Variants in NDUFA9 observed in about 807,000 individuals in gnomAD.
The protein encoded by NDUFA9 is NADH:ubiquinone oxidoreductase subunit A9.
A neutral mutation model predicts 45.9 loss-of-function variants in NDUFA9; 23 were observed. That is an observed-to-expected ratio of 0.50 (90% CI 0.36 to 0.71). The LOEUF (loss-of-function observed/expected upper bound fraction) is 0.71, where lower values mean the gene tolerates loss of function less well. Among genes scored for constraint, NDUFA9 ranks in the 30% least tolerant of loss-of-function variants. NDUFA9 has a pLI of 0.00. For synonymous variants in NDUFA9, 176 were observed against 170.5 expected (o/e 1.03, Z -0.25); for missense variants, 466 against 488.2 (o/e 0.95, Z 0.43).
chr12:4,685,391 C>A, intron 10 of NDUFA9, 66 bp downstream of exon 10: 1 of 1,445,060 alleles, frequency 6.9e-7, no homozygotes, highest in Non-Finnish European at 9.6e-7. Flanking sequence ...TTTTGCTTTG[C>A]CTGCTTGCTT....
At chr12:4,674,904 G>A (rs923570480) in intron 8 of NDUFA9, among the ~76,000 whole-genome samples, 1 of 152,118 alleles carries the variant, frequency 6.6e-6, no homozygotes, top group East Asian at 1.9e-4. Context: ...TTCTAAAATT[G>A]ACCACATAAT....
At chr12:4,651,385 T>C (rs1945759065) in intron 1 of NDUFA9, among the ~76,000 whole-genome samples, 1 of 152,200 alleles carries the variant, frequency 6.6e-6, no homozygotes, top group African/African-American at 2.4e-5. Flanking sequence ...CAAGGCACTG[T>C]GACAGATGCT....
chr12:4,652,069 G>T (rs1945762614), intron 1 of NDUFA9, among the ~76,000 whole-genome samples: 1 of 152,118 alleles, frequency 6.6e-6, no homozygotes, highest in Non-Finnish European at 1.5e-5. Flanking sequence ...GCTTTACAGA[G>T]AAATCAAAGG....
intron 8 of NDUFA9, among the ~76,000 whole-genome samples, chr12:4,678,113 A>G (rs898892603): frequency 1.3e-5 from 2 of 152,124 alleles, no homozygotes; most frequent in Non-Finnish European, 2.9e-5. Context: ...GGAGGTGAAC[A>G]TCACACACTG....
At position 4,662,600 on chromosome 12, in the gene NDUFA9, T is replaced by C; in HGVS notation, c.620T>C (p.Phe207Ser). Residue 207 changes from phenylalanine to serine, a missense_variant, in exon 6 of 11, where the codon TTT (phenylalanine) becomes TCT (serine). Coordinates refer to ENST00000266544, the MANE Select transcript of NDUFA9 (RefSeq NM_005002.5). ...EAIIVKPSDI[F>S]GREDRFLNSF... ...ATTATCGTAAAGCCGTCGGACATCT[T>C]TGGAAGAGAGGATAGATTCCTTAAT... 6.2e-7 allele frequency: 1 copy of C among 1,613,924 alleles called. No homozygotes were observed. Among genetic ancestry groups the C allele is most frequent in the Non-Finnish European group, 8.5e-7 (1 of 1,179,828 alleles).
intron 1 of NDUFA9, among the ~76,000 whole-genome samples, chr12:4,650,990 G>A (rs1438727712): frequency 1.3e-5 from 2 of 152,100 alleles, no homozygotes; most frequent in African/African-American, 2.4e-5. Flanking sequence ...ATAAGTTGTG[G>A]AAATATAAAT....
Position 4,662,434 on chromosome 12 carries a change from T to C in NDUFA9, c.553-99T>C, listed in dbSNP as rs866347845. On this transcript the variant is annotated intron_variant, in intron 5 of 10. Coordinates refer to ENST00000266544, the MANE Select transcript of NDUFA9 (RefSeq NM_005002.5). ...GATTACCTTTATCTGGAGGAAAATA[T>C]CGCCTTTGAAATACAAGTCATGTCT... The C allele has an allele frequency of 1.4e-5, 12 of 864,772 alleles. No individual in the cohort carries two copies. The East Asian group carries it at 1.7e-4, about 13-fold the overall frequency. 53.6% of individuals were successfully genotyped at this position (864,772 alleles called of 1,614,324 possible). A position where few individuals can be genotyped will look rare whatever the true frequency, so the allele number is the denominator to read the frequency against.
intron 9 of NDUFA9, among the ~76,000 whole-genome samples, chr12:4,683,504 T>C (rs1283406290): frequency 6.6e-6 from 1 of 152,116 alleles, no homozygotes; most frequent in Admixed American, 6.6e-5. Flanking sequence ...CAACAAAAAC[T>C]CAAAAATCTT....
Position 4,687,038 on chromosome 12 carries a change from G to A in NDUFA9, c.1064G>A (p.Arg355His), listed in dbSNP as rs3210081. The A allele has an allele frequency of 1.4e-5, 22 of 1,614,170 alleles. No homozygotes were observed. The highest frequency in any genetic ancestry group is 1.7e-4 in the Middle Eastern group (1 of 6,060). ...CTCAAGGCCATTGAGGTGCTGCGGC[G>A]TCATCGCACTTACCGCTGGCTGTCT... Reference protein sequence around the residue: ...LELKAIEVLRRHRTYRWLSAE... With the variant: ...LELKAIEVLRHHRTYRWLSAE... The change falls in exon 11 of 11, where the codon CGT becomes CAT. Residue 355 changes from arginine to histidine, a missense_variant. Physicochemically the swap from Arg to His is conservative, Grantham distance 29 (BLOSUM62 0). Transcript: ENST00000266544.
At chr12:4,662,488 C>T (rs1945828540) in intron 5 of NDUFA9, 45 bp from the exon 6 acceptor site, 8 of 1,428,668 alleles carry the variant, frequency 5.6e-6, no homozygotes, top group Non-Finnish European at 7.9e-6. Flanking sequence ...ATGCTTTATT[C>T]ACTTGTCTCT....
intron 8 of NDUFA9, among the ~76,000 whole-genome samples, chr12:4,679,720 TGGA>T (rs1295303425): frequency 2.0e-5 from 3 of 152,156 alleles, no homozygotes; most frequent in Non-Finnish European, 4.4e-5. Context: ...GGTAACTATT[TGGA>T]GAAGTTTCCC....
intron 6 of NDUFA9, among the ~76,000 whole-genome samples, chr12:4,664,712 C>G (rs903310555): frequency 6.6e-6 from 1 of 152,194 alleles, no homozygotes; most frequent in Non-Finnish European, 1.5e-5. Flanking sequence ...ACTACCGCTT[C>G]AGTGGGTCCT....
At position 4,689,929 on chromosome 12, in the gene NDUFA9, C is replaced by T. The variant is rs181874934; in HGVS notation, c.*2821C>T. On this transcript the variant is annotated 3_prime_UTR_variant, in exon 11 of 11. Coordinates refer to ENST00000266544, the MANE Select transcript of NDUFA9 (RefSeq NM_005002.5). ...CTGGTCGGCTGGCTGGGCGGAGGCG[C>T]CCCCCACACAAACACTGAAGCCGTA... The T allele has an allele frequency of 3.8e-3, 592 of 154,848 alleles. 4 individuals carry two copies. The highest frequency in any genetic ancestry group is 0.014 in the African/African-American group (562 of 41,590). The allele number at this position is 154,848 out of a possible 1,614,324, so 9.6% of individuals were successfully genotyped here. A position where few individuals can be genotyped will look rare whatever the true frequency, so the allele number is the denominator to read the frequency against.
rs146612958 is a variant in NDUFA9 at position 4,689,575 on chromosome 12, T to G, written c.*2467T>G. On this transcript the variant is annotated 3_prime_UTR_variant, in exon 11 of 11. Coordinates refer to ENST00000266544, the MANE Select transcript of NDUFA9 (RefSeq NM_005002.5). ...GCACCGCCCTTAATCCATTTAACCCTGAGTGGACACAGCACATGTTTCAGA... is the reference window on the plus strand; with the variant it reads ...GCACCGCCCTTAATCCATTTAACCCGGAGTGGACACAGCACATGTTTCAGA... 0.11 allele frequency: 20,202 copies of G among 182,370 alleles called. 1,165 individuals are homozygous for G. The highest frequency in any genetic ancestry group is 0.13 in the Middle Eastern group (55 of 430). The allele number at this position is 182,370 out of a possible 1,614,324, so 11.3% of individuals were successfully genotyped here.
At chr12:4,666,462 G>C (rs1365398246) in intron 6 of NDUFA9, among the ~76,000 whole-genome samples, 5 of 152,158 alleles carry the variant, frequency 3.3e-5, no homozygotes, top group African/African-American at 1.2e-4. Context: ...TCGTTGCCAA[G>C]TCCAATGCCA....
intron 5 of NDUFA9, among the ~76,000 whole-genome samples, chr12:4,660,390 G>T (rs970792794): frequency 2.0e-5 from 3 of 152,176 alleles, no homozygotes; most frequent in African/African-American, 7.2e-5. Context: ...CACGTTTCAG[G>T]TGCATTTCAG....
chr12:4,673,090 G>GT (rs1346097536), intron 8 of NDUFA9, among the ~76,000 whole-genome samples: 1 of 152,222 alleles, frequency 6.6e-6, no homozygotes, highest in African/African-American at 2.4e-5. Context: ...CAGGCAAACA[G>GT]GGTCTGGTGT....
rs1031092036 is a variant in NDUFA9, at chr12:4,687,236, C to T, written c.*128C>T. The T allele has an allele frequency of 5.6e-5, 47 of 836,662 alleles. No individual in the cohort carries two copies. The highest frequency in any genetic ancestry group is 8.7e-5 in the African/African-American group (5 of 57,622). The allele number at this position is 836,662 out of a possible 1,614,324, so 51.8% of individuals were successfully genotyped here. On this transcript the variant is annotated 3_prime_UTR_variant, in exon 11 of 11. Coordinates refer to ENST00000266544, the MANE Select transcript of NDUFA9 (RefSeq NM_005002.5). ...CTATTAAAACATTTCAGGTTGAATT[C>T]TGCAGTATTTTCTTCCTTGATTTAC... is the stretch of plus-strand genomic sequence containing the variant.
intron 1 of NDUFA9, among the ~76,000 whole-genome samples, chr12:4,653,983 A>G (rs1017868782): frequency 4.6e-5 from 7 of 151,972 alleles, no homozygotes; most frequent in Non-Finnish European, 8.8e-5. Context: ...CATTTATTAC[A>G]TATTCTCAGT....
Sources: gnomAD v4.1 joint callset for allele counts (sites outside exome capture counted in the v4.1 genomes callset) on GRCh38, gnomAD v4.1.1 for gene constraint, MANE v1.5 for transcripts, NCBI Gene and HGNC (gene_info 2026-07-23, HGNC 2026-07-21) for gene names.